The following ERC1 variants were observed in gnomAD, a reference collection of about 807,000 sequenced individuals.
ERC1 encodes the protein ELKS/RAB6-interacting/CAST family member 1, also known as RAB6 interacting protein 2.
A neutral mutation model predicts 132.0 loss-of-function variants in ERC1; 56 were observed. That is an observed-to-expected ratio of 0.42 (90% CI 0.34 to 0.53). The LOEUF (loss-of-function observed/expected upper bound fraction) is 0.53, where lower values mean the gene tolerates loss of function less well. ERC1 is among the 20% of genes least tolerant of loss of function. ERC1 has a pLI of 0.03. For synonymous variants in ERC1, 478 were observed against 476.1 expected, an observed-to-expected ratio of 1.00 and a Z score of -0.05; for missense variants, 1,202 against 1,349.9, an observed-to-expected ratio of 0.89 and a Z score of 1.72.
intron 5 of ERC1, among the ~76,000 whole-genome samples, chr12:1,111,705 G>A (rs1032305986): frequency 6.6e-6 from 1 of 150,450 alleles, no homozygotes; most frequent in Non-Finnish European, 1.5e-5. Context: ...TGCAGCCTCC[G>A]TCTCCAGGGT....
intron 13 of ERC1, among the ~76,000 whole-genome samples, chr12:1,250,414 AC>A (rs1184697066): frequency 6.6e-6 from 1 of 152,188 alleles, no homozygotes; most frequent in East Asian, 1.9e-4. Context: ...GTGTGATTTA[AC>A]CCATTTAATT....
chr12:1,010,686 T>A (rs945937115), intron 1 of ERC1, among the ~76,000 whole-genome samples: 1 of 151,626 alleles, frequency 6.6e-6, no homozygotes, highest in Non-Finnish European at 1.5e-5. Flanking sequence ...AATTTTTTTT[T>A]ATTATTATTA....
chr12:1,395,423 C>G (rs1449517692), intron 16 of ERC1, among the ~76,000 whole-genome samples: 1 of 110,716 alleles, frequency 9.0e-6, no homozygotes, highest in African/African-American at 4.0e-5. Flanking sequence ...TTTTTTTTTT[C>G]AGTTTTAAAA....
chr12:1,381,380 C>G (rs1392633056), intron 16 of ERC1: 1 of 152,138 alleles, frequency 6.6e-6, no homozygotes, highest in Non-Finnish European at 1.5e-5. Flanking sequence ...AAGACAGAGA[C>G]TCACTCTGGT....
intron 7 of ERC1, among the ~76,000 whole-genome samples, chr12:1,131,274 A>C (rs969401838): frequency 9.2e-5 from 14 of 152,186 alleles, no homozygotes; most frequent in African/African-American, 3.4e-4. Flanking sequence ...AGGAAATGAC[A>C]GAGGATGGAG....
chr12:1,243,186 T>C (rs943926374), intron 13 of ERC1, among the ~76,000 whole-genome samples: 2 of 131,858 alleles, frequency 1.5e-5, no homozygotes, highest in Admixed American at 1.7e-4. Context: ...AGAGCGAGAC[T>C]CCGTCTCAAA....
At chr12:1,241,003 T>G (rs1004523255) in intron 13 of ERC1, among the ~76,000 whole-genome samples, 1 of 152,170 alleles carries the variant, frequency 6.6e-6, no homozygotes, top group Admixed American at 6.5e-5. Flanking sequence ...ATTTTCAATT[T>G]TCACAGAGCA....
chr12:1,436,678 C>G (rs1209540310), intron 17 of ERC1, among the ~76,000 whole-genome samples: 1 of 150,840 alleles, frequency 6.6e-6, no homozygotes, highest in Non-Finnish European at 1.5e-5. Context: ...CGTGAGGCAC[C>G]AGGCCTCAGA....
intron 12 of ERC1, among the ~76,000 whole-genome samples, chr12:1,192,254 T>C (rs777872965): frequency 5.3e-5 from 8 of 152,322 alleles, no homozygotes; most frequent in Middle Eastern, 3.4e-3. Flanking sequence ...CAAACTAAGG[T>C]AGATTTTAGT....
chr12:1,210,646 T>A (rs1175834318), intron 12 of ERC1, among the ~76,000 whole-genome samples: 1 of 152,164 alleles, frequency 6.6e-6, no homozygotes, highest in Admixed American at 6.5e-5. Flanking sequence ...GTTATTATTA[T>A]TTTCTGGTGT....
At chr12:1,434,312 A>G (rs1439328926) in intron 17 of ERC1, among the ~76,000 whole-genome samples, 1 of 152,142 alleles carries the variant, frequency 6.6e-6, no homozygotes, top group Non-Finnish European at 1.5e-5. Flanking sequence ...AGCCTGGGAG[A>G]TTAAAAAATA....
At chr12:1,289,793 G>A in intron 14 of ERC1, 59 bp from the exon 15 acceptor site, 1 of 1,431,606 alleles carries the variant, frequency 7.0e-7, no homozygotes, top group Non-Finnish European at 9.7e-7. Context: ...TGTTACCCAG[G>A]TCCTCTGACT....
At chr12:1,303,230 A>T (rs2080548282) in intron 15 of ERC1, among the ~76,000 whole-genome samples, 1 of 152,282 alleles carries the variant, frequency 6.6e-6, no homozygotes, top group Non-Finnish European at 1.5e-5. Flanking sequence ...TTGCCACATC[A>T]ATGGACTCTT....
At chr12:1,200,036 TGGC>T in intron 12 of ERC1, among the ~76,000 whole-genome samples, 1 of 152,132 alleles carries the variant, frequency 6.6e-6, no homozygotes. Flanking sequence ...ACTTTTCTGA[TGGC>T]ATTTGGGAAA....
chr12:1,013,095 C>A (rs1348348611), intron 1 of ERC1, among the ~76,000 whole-genome samples: 2 of 152,066 alleles, frequency 1.3e-5, no homozygotes, highest in African/African-American at 4.8e-5. Flanking sequence ...TTGAGCTGAT[C>A]ACGATGTAGT....
At position 1,228,791 on chromosome 12, in the gene ERC1, A is replaced by G. The variant is rs140427348; in HGVS notation, c.2352-7978A>G. On this transcript the variant is annotated intron_variant, in intron 12 of 18. Transcript: ENST00000360905. ...TTTTTCAGATGATTGTGTGATTTTT[A>G]TCGTTCATTCTGTTAGTGTGGTGTA... Among the ~76,000 whole-genome samples, 1,454 of 152,232 alleles carry G rather than the reference A, an allele frequency of 9.6e-3. 18 individuals carry two copies. The highest frequency in any genetic ancestry group is 0.032 in the African/African-American group (1,323 of 41,542).
chr12:1,477,157 A>C (rs2093990663), intron 18 of ERC1, among the ~76,000 whole-genome samples: 1 of 152,176 alleles, frequency 6.6e-6, no homozygotes, highest in Non-Finnish European at 1.5e-5. Flanking sequence ...GGGACATAGA[A>C]GAGTTATTAT....
At chr12:1,397,258 C>G (rs1321383520) in intron 16 of ERC1, among the ~76,000 whole-genome samples, 2 of 152,216 alleles carry the variant, frequency 1.3e-5, no homozygotes, top group Non-Finnish European at 1.5e-5. Context: ...TATGTAGTAA[C>G]ATTGCTTATC....
At position 1,315,916 on chromosome 12, in the gene ERC1, G is replaced by A. The variant is rs1460630585; in HGVS notation, c.2780+25904G>A. On this transcript the variant is annotated intron_variant, in intron 15 of 18. Transcript: ENST00000360905. ...GTAAACATTTTTTTTTTTTGAGACGGAGTCTCACTCTGTCGCCCAGGCTGG... is the reference window on the plus strand; with the variant it reads ...GTAAACATTTTTTTTTTTTGAGACGAAGTCTCACTCTGTCGCCCAGGCTGG... Among the ~76,000 whole-genome samples, 5 of 151,282 alleles carry A rather than the reference G, an allele frequency of 3.3e-5. No homozygotes were observed. In the East Asian group the frequency reaches 9.8e-4, roughly 30 times the overall value.
Sources: gnomAD v4.1 joint callset for allele counts (sites outside exome capture counted in the v4.1 genomes callset) on GRCh38, gnomAD v4.1.1 for gene constraint, MANE v1.5 for transcripts, NCBI Gene and HGNC (gene_info 2026-07-23, HGNC 2026-07-21) for gene names.